The following TIMM21 variants were observed in gnomAD, a reference collection of about 807,000 sequenced individuals.
TIMM21 encodes the protein translocase of inner mitochondrial membrane 21.
A neutral mutation model predicts 27.7 loss-of-function variants in TIMM21; 30 were observed. That is an observed-to-expected ratio of 1.08 (90% CI 0.81 to 1.47). The LOEUF is 1.47. TIMM21 is among the 40% of genes most tolerant of loss of function. The pLI, the probability that TIMM21 is intolerant of heterozygous loss-of-function variation, is 0.00. For missense variants in TIMM21, 292 were observed against 302.9 expected (o/e 0.96, Z 0.27); for synonymous variants, 121 against 114.4 (o/e 1.06, Z -0.37).
rs1308454270 is a variant in TIMM21 at position 74,158,635 on chromosome 18, T to G, written c.*155T>G. 16 of 582,522 alleles carry G rather than the reference T, an allele frequency of 2.7e-5. No homozygotes were observed. In the East Asian group the frequency reaches 4.7e-4, roughly 17 times the overall value. 36.1% of individuals were successfully genotyped at this position (582,522 alleles called of 1,614,324 possible). ...TTGTTGCATTTAAACAAACTAGACA[T>G]TTTCTTACGGAAAAATTATGAAATA... On this transcript the variant is annotated 3_prime_UTR_variant, in exon 6 of 6. Transcript: ENST00000169551.
chr18:74,155,532 A>T (rs879936654), intron 3 of TIMM21, 129 bp downstream of exon 3: 9 of 735,152 alleles, frequency 1.2e-5, no homozygotes, highest in Non-Finnish European at 2.0e-5. Flanking sequence ...ATAATGGTCG[A>T]GTCATCATTA....
chr18:74,158,048 A>G lies in TIMM21; in HGVS notation c.497A>G (p.Tyr166Cys), dbSNP rs989302462. Residue 166 changes from tyrosine (Y) to cysteine (C), a missense_variant, in exon 4 of 6, where the codon TAT (tyrosine) becomes TGT (cysteine). By Grantham distance (194) the Tyr-to-Cys change is radical. Coordinates refer to ENST00000169551, the MANE Select transcript of TIMM21 (RefSeq NM_014177.3). ...IGVFGESVKGYGEVTRRGRRQ... is the reference protein window; with the variant it reads ...IGVFGESVKGCGEVTRRGRRQ... Reference sequence around the variant, plus strand: ...GTCTTTGGTGAGTCTGTTAAAGGCTATGGGGAGGTGACAAGGCGGGGTCGC... The same window carrying G: ...GTCTTTGGTGAGTCTGTTAAAGGCTGTGGGGAGGTGACAAGGCGGGGTCGC... The G allele has an allele frequency of 3.1e-6, 5 of 1,614,182 alleles. No homozygotes were observed. Among genetic ancestry groups the G allele is most frequent in the Middle Eastern group, 1.6e-4 (1 of 6,062 alleles).
chr18:74,155,462 G>T lies in TIMM21; in HGVS notation c.462+59G>T. Reference sequence around the variant, plus strand: ...ATGAGGGGGAGAAAATGTCTGGGAGGAGGAAGTGGGCAGAATTCAAGAACC... The same window carrying T: ...ATGAGGGGGAGAAAATGTCTGGGAGTAGGAAGTGGGCAGAATTCAAGAACC... On this transcript the variant is annotated intron_variant, in intron 3 of 5. Coordinates refer to ENST00000169551, the MANE Select transcript of TIMM21 (RefSeq NM_014177.3). 2.2e-6 allele frequency: 3 copies of T among 1,390,946 alleles called. No individual in the cohort carries two copies. The South Asian group carries it at 3.8e-5, about 18-fold the overall frequency. The allele number at this position is 1,390,946 out of a possible 1,614,324, so 86.2% of individuals were successfully genotyped here. A position where few individuals can be genotyped will look rare whatever the true frequency, so the allele number is the denominator to read the frequency against.
At chr18:74,156,338 G>A (rs747340444) in intron 3 of TIMM21, 35 of 398,150 alleles carry the variant, frequency 8.8e-5, no homozygotes, top group Non-Finnish European at 1.3e-4. Context: ...TATAGAGCCC[G>A]GTGCTGATCT....
At chr18:74,151,096 G>A (rs1164217763) in intron 1 of TIMM21, among the ~76,000 whole-genome samples, 1 of 152,192 alleles carries the variant, frequency 6.6e-6, no homozygotes, top group African/African-American at 2.4e-5. Context: ...ATGGAGGGCG[G>A]TCAGGGGGTC....
In TIMM21 at chr18:74,148,662, C is replaced by T. The variant is rs1335331510; in HGVS notation, c.-147C>T. 2 of 737,876 alleles carry T rather than the reference C, an allele frequency of 2.7e-6. No individual in the cohort carries two copies. The highest frequency in any genetic ancestry group is 2.0e-5 in the South Asian group (1 of 49,384). The allele number at this position is 737,876 out of a possible 1,614,324, so 45.7% of individuals were successfully genotyped here. ...CCTGGAGACTTTTCGTTTTCATTTA[C>T]GCTGCGGAAACTGACGTTTTTGCCT... On this transcript the variant is annotated 5_prime_UTR_variant, in exon 1 of 6. The change creates a new upstream start codon in the 5' untranslated region. Transcript: ENST00000169551.
At position 74,158,982 on chromosome 18, in the gene TIMM21, T is replaced by G. The variant is rs1205731570; in HGVS notation, c.*502T>G. 6.2e-6 allele frequency: 1 copy of G among 162,290 alleles called. No individual in the cohort carries two copies. The highest frequency in any genetic ancestry group is 1.3e-5 in the Non-Finnish European group (1 of 75,420). The allele number at this position is 162,290 out of a possible 1,614,324, so 10.1% of individuals were successfully genotyped here. Reference sequence around the variant, plus strand: ...AAATTGTGTGAGTTTTAGGAATCTGTCTCATATTTCGCGCTTCATGAATTA... The same window carrying G: ...AAATTGTGTGAGTTTTAGGAATCTGGCTCATATTTCGCGCTTCATGAATTA... On this transcript the variant is annotated 3_prime_UTR_variant, in exon 6 of 6. Coordinates refer to ENST00000169551, the MANE Select transcript of TIMM21 (RefSeq NM_014177.3).
In TIMM21 at chr18:74,148,828, G is replaced by A. The variant is rs1979687622; in HGVS notation, c.20G>A (p.Arg7Gln). The A allele has an allele frequency of 1.9e-6, 3 of 1,605,852 alleles. 1 individual carries two copies. The highest frequency in any genetic ancestry group is 2.2e-5 in the South Asian group (2 of 90,960). The change falls in exon 1 of 6, where the codon CGA becomes CAA. Residue 7 changes from arginine to glutamine, a missense_variant. Physicochemically the swap from Arg to Gln is conservative, Grantham distance 43 (BLOSUM62 1). Transcript: ENST00000169551. MICTFLRAVQYTEKLHR... is the reference protein window; with the variant it reads MICTFLQAVQYTEKLHR... ...GTGAACATGATTTGTACTTTTCTAC[G>A]AGCCGTACAGTATACGGAGAAGCTG...
chr18:74,151,311 C>T (rs1979794850), intron 1 of TIMM21, among the ~76,000 whole-genome samples: 1 of 152,208 alleles, frequency 6.6e-6, no homozygotes, highest in Admixed American at 6.5e-5. Context: ...CCTTCAGCCT[C>T]AGGAATCATC....
intron 3 of TIMM21, chr18:74,157,763 T>G (rs1979990489): frequency 1.8e-5 from 8 of 439,334 alleles, no homozygotes; most frequent in Non-Finnish European, 1.6e-5. Flanking sequence ...GCCCAGCTGA[T>G]TTTTATATTT....
intron 1 of TIMM21, among the ~76,000 whole-genome samples, chr18:74,153,125 A>T (rs1979857377): frequency 1.3e-5 from 2 of 152,228 alleles, no homozygotes; most frequent in Admixed American, 6.5e-5. Context: ...GTGGAAGCAA[A>T]TAAATGGCAT....
chr18:74,148,857 A>G lies in TIMM21; in HGVS notation c.49A>G (p.Arg17Gly), dbSNP rs758489733. The stretch of plus-strand genomic sequence containing the variant: ...CGTACAGTATACGGAGAAGCTGCAC[A>G]GGTCCTCGGCAAAGCGATTGCTTTT... Reference protein sequence around the residue: ...RAVQYTEKLHRSSAKRLLLPY... With the variant: ...RAVQYTEKLHGSSAKRLLLPY... The change falls in exon 1 of 6, where the codon AGG (arginine) becomes GGG (glycine). Residue 17 changes from arginine to glycine, a missense_variant. Arg to Gly is a moderately radical substitution (Grantham distance 125). Transcript: ENST00000169551. The G allele has an allele frequency of 1.2e-6, 2 of 1,613,940 alleles. No homozygotes were observed. The highest frequency in any genetic ancestry group is 1.7e-6 in the Non-Finnish European group (2 of 1,179,900).
intron 3 of TIMM21, chr18:74,156,201 C>T: frequency 7.5e-6 from 3 of 398,602 alleles, no homozygotes; most frequent in Non-Finnish European, 1.3e-5. Context: ...AAGATAACAG[C>T]AGGTAATCGT....
At position 74,158,266 on chromosome 18, in the gene TIMM21, A is replaced by G. The variant is rs200876618; in HGVS notation, c.632A>G (p.Gln211Arg). 1 of 1,614,204 alleles carries G rather than the reference A, an allele frequency of 6.2e-7. No individual in the cohort carries two copies. Among genetic ancestry groups the G allele is most frequent in the African/African-American group, 1.3e-5 (1 of 75,056 alleles). ...GGGAAGCAAGGAACGGTGTATGCGC[A>G]AGTGAAAGAGGTGTGGGAATCATGG... The part of the protein sequence containing the change: ...EPGKQGTVYA[Q>R]VKENPGSGEY... Residue 211 changes from glutamine (Q) to arginine (R), a missense_variant, in exon 5 of 6, where the codon CAA becomes CGA. Physicochemically the swap from Gln to Arg is conservative, Grantham distance 43 (BLOSUM62 1). Transcript: ENST00000169551.
chr18:74,158,457 G>C lies in TIMM21; in HGVS notation c.724G>C (p.Asp242His), dbSNP rs757374204. 41 of 1,596,480 alleles carry C rather than the reference G, an allele frequency of 2.6e-5. No homozygotes were observed. The highest frequency in any genetic ancestry group is 3.3e-5 in the Non-Finnish European group (38 of 1,165,898). Residue 242 changes from aspartate to histidine, a missense_variant, in exon 6 of 6, where the codon GAT becomes CAT. Transcript: ENST00000169551. ...TCCTAGAAGAACTATTATCATTGAA[G>C]ATAATCGATCCCAAGATGATTAAAA... is the stretch of plus-strand genomic sequence containing the variant. The part of the protein sequence containing the change: ...SYPRRTIIIE[D>H]NRSQDD
In TIMM21 at chr18:74,148,956, A is replaced by G. The variant is rs751600715; in HGVS notation, c.148A>G (p.Lys50Glu). Residue 50 changes from lysine to glutamate, a missense_variant, in exon 1 of 6, where the codon AAA becomes GAA. Coordinates refer to ENST00000169551, the MANE Select transcript of TIMM21 (RefSeq NM_014177.3). ...GAGATGTGGGCTTCAATATCAAAAG[A>G]AAACGCTGCGACCTAGATGTATTCT... ...SLRCGLQYQK[K>E]TLRPRCILGV... 1.2e-5 allele frequency: 19 copies of G among 1,614,092 alleles called. No homozygotes were observed. The highest frequency in any genetic ancestry group is 3.3e-4 in the Middle Eastern group (2 of 6,084).
chr18:74,156,101 G>C (rs75958477), intron 3 of TIMM21: 15,626 of 395,072 alleles, frequency 0.04, 525 homozygotes, highest in East Asian at 0.15. Flanking sequence ...TAGCCGGTGT[G>C]GCCTGGGAAG....
chr18:74,148,769 T>C lies in TIMM21; in HGVS notation c.-40T>C, dbSNP rs1019330439. 1 of 1,580,276 alleles carries C rather than the reference T, an allele frequency of 6.3e-7. No individual in the cohort carries two copies. The highest frequency in any genetic ancestry group is 8.6e-7 in the Non-Finnish European group (1 of 1,156,786). ...GTGAACCCTAAAGCTTTCCTAATTG[T>C]AGTTAGCATCGTCCCTAAGCGGAAC... On this transcript the variant is annotated 5_prime_UTR_variant, in exon 1 of 6. Transcript: ENST00000169551.
chr18:74,151,282 C>T (rs1165884240), intron 1 of TIMM21, among the ~76,000 whole-genome samples: 2 of 152,232 alleles, frequency 1.3e-5, no homozygotes, highest in African/African-American at 4.8e-5. Flanking sequence ...ATGTTCAGGA[C>T]TTTGCATTAG....
Sources: gnomAD v4.1 joint callset for allele counts (sites outside exome capture counted in the v4.1 genomes callset) on GRCh38, gnomAD v4.1.1 for gene constraint, MANE v1.5 for transcripts, NCBI Gene and HGNC (gene_info 2026-07-23, HGNC 2026-07-21) for gene names.